Variants in PDE4D observed in about 807,000 individuals in gnomAD.
PDE4D encodes the protein phosphodiesterase 4D, also known as 3',5'-cyclic-AMP phosphodiesterase 4D.
In PDE4D, 24 loss-of-function variants were observed where a neutral mutation model predicts 87.4. That is an observed-to-expected ratio of 0.27 (90% CI 0.20 to 0.39). The LOEUF is 0.39. PDE4D is among the 10% of genes least tolerant of loss of function. PDE4D has a pLI of 1.00. For missense variants in PDE4D, 714 were observed against 1,041.0 expected, an observed-to-expected ratio of 0.69 and a Z score of 4.32; for synonymous variants, 384 against 383.2, an observed-to-expected ratio of 1.00 and a Z score of -0.02.
intron 1 of PDE4D, among the ~76,000 whole-genome samples, chr5:60,483,549 A>G (rs1206747127): frequency 1.3e-5 from 2 of 152,190 alleles, no homozygotes; most frequent in Non-Finnish European, 2.9e-5. Flanking sequence ...TTGTGTTTCT[A>G]GCACCTAACT....
At chr5:60,425,122 A>C (rs552634252) in intron 1 of PDE4D, among the ~76,000 whole-genome samples, 4 of 152,360 alleles carry the variant, frequency 2.6e-5, no homozygotes, top group East Asian at 3.9e-4. Context: ...GGTAATTTAT[A>C]GATTCAATGC....
chr5:60,377,144 G>A (rs186142585), intron 1 of PDE4D, among the ~76,000 whole-genome samples: 63 of 152,200 alleles, frequency 4.1e-4, no homozygotes, highest in Non-Finnish European at 3.7e-4. Flanking sequence ...TGTGCTTCTC[G>A]CCTATAGCAT....
chr5:60,035,181 A>T (rs2152862812), intron 2 of PDE4D, among the ~76,000 whole-genome samples: 1 of 151,782 alleles, frequency 6.6e-6, no homozygotes, highest in Admixed American at 6.6e-5. Flanking sequence ...GCTTGAACCC[A>T]GGAGGCGGAG....
intron 1 of PDE4D, among the ~76,000 whole-genome samples, chr5:60,305,819 G>A (rs994914383): frequency 3.3e-5 from 5 of 151,464 alleles, no homozygotes; most frequent in Admixed American, 6.6e-5. Flanking sequence ...ATACATGTGT[G>A]TATACACACA....
chr5:60,269,511 A>G (rs1409192264), intron 1 of PDE4D, among the ~76,000 whole-genome samples: 1 of 152,200 alleles, frequency 6.6e-6, no homozygotes, highest in Non-Finnish European at 1.5e-5. Flanking sequence ...ATGTTTTGCC[A>G]TTATAAACAA....
chr5:59,430,960 C>T (rs760064275), intron 1 of PDE4D, among the ~76,000 whole-genome samples: 66 of 152,134 alleles, frequency 4.3e-4, no homozygotes, highest in Admixed American at 2.0e-3. Flanking sequence ...ATGTTATGGG[C>T]GGTTTTCCAA....
intron 1 of PDE4D, among the ~76,000 whole-genome samples, chr5:60,464,564 G>A (rs1486703408): frequency 6.6e-6 from 1 of 152,134 alleles, no homozygotes; most frequent in Non-Finnish European, 1.5e-5. Context: ...GGCATTCAGT[G>A]CACTGATTGT....
intron 1 of PDE4D, among the ~76,000 whole-genome samples, chr5:59,776,464 A>G (rs1335203585): frequency 6.6e-6 from 1 of 152,234 alleles, no homozygotes; most frequent in African/African-American, 2.4e-5. Context: ...AAAATGAAAA[A>G]CAAGATATTC....
At chr5:60,514,141 T>C (rs1402803845) in intron 1 of PDE4D, among the ~76,000 whole-genome samples, 3 of 151,798 alleles carry the variant, frequency 2.0e-5, no homozygotes, top group Non-Finnish European at 4.4e-5. Context: ...ATATCCAATA[T>C]CTGAAATGAA....
chr5:59,237,704 T>A (rs1756746282), intron 1 of PDE4D, among the ~76,000 whole-genome samples: 1 of 152,168 alleles, frequency 6.6e-6, no homozygotes, highest in Admixed American at 6.5e-5. Flanking sequence ...ATCTGAACAA[T>A]GTCAGACAAT....
chr5:59,267,070 T>C (rs772874431), intron 1 of PDE4D, among the ~76,000 whole-genome samples: 6 of 152,104 alleles, frequency 3.9e-5, no homozygotes, highest in Non-Finnish European at 8.8e-5. Context: ...ACTCCAACTA[T>C]GACTATAGAC....
intron 1 of PDE4D, among the ~76,000 whole-genome samples, chr5:59,764,451 G>A (rs1268235648): frequency 6.6e-6 from 1 of 152,112 alleles, no homozygotes; most frequent in African/African-American, 2.4e-5. Context: ...ATTACTAAAT[G>A]CAAAGTAAGA....
intron 1 of PDE4D, among the ~76,000 whole-genome samples, chr5:60,234,346 G>T (rs1467147450): frequency 6.6e-6 from 1 of 151,610 alleles, no homozygotes; most frequent in Non-Finnish European, 1.5e-5. Context: ...CACCTCACTT[G>T]TTGATAGGCA....
At chr5:59,285,210 A>G in intron 1 of PDE4D, among the ~76,000 whole-genome samples, 1 of 114,716 alleles carries the variant, frequency 8.7e-6, no homozygotes, top group Non-Finnish European at 1.6e-5. Context: ...CTTAAAGTAT[A>G]ATAAAAAAAA....
At chr5:59,059,936 C>A (rs1474134037) in intron 5 of PDE4D, among the ~76,000 whole-genome samples, 1 of 152,142 alleles carries the variant, frequency 6.6e-6, no homozygotes, top group Non-Finnish European at 1.5e-5. Flanking sequence ...TACCTGTTTT[C>A]ATGTAAGCAT....
intron 1 of PDE4D, among the ~76,000 whole-genome samples, chr5:59,887,287 GGT>G (rs1750307426): frequency 6.6e-6 from 1 of 152,060 alleles, no homozygotes; most frequent in African/African-American, 2.4e-5. Context: ...GTGAATATAG[GGT>G]CCAACCAATT....
At chr5:60,486,267 G>A (rs1476500889) in intron 1 of PDE4D, among the ~76,000 whole-genome samples, 1 of 152,144 alleles carries the variant, frequency 6.6e-6, no homozygotes, top group African/African-American at 2.4e-5. Flanking sequence ...GGAATGTATA[G>A]CTAAGAATGA....
At chr5:59,876,115 T>C (rs1368832025) in intron 1 of PDE4D, among the ~76,000 whole-genome samples, 1 of 152,162 alleles carries the variant, frequency 6.6e-6, no homozygotes, top group Non-Finnish European at 1.5e-5. Context: ...ACACTGAGCT[T>C]AAAAGGACAA....
chr5:60,446,264 T>C (rs185940984), intron 1 of PDE4D, among the ~76,000 whole-genome samples: 1 of 152,246 alleles, frequency 6.6e-6, no homozygotes, highest in Admixed American at 6.5e-5. Context: ...TGAATAACTA[T>C]ACTCCTTAAC....
Sources: gnomAD v4.1 joint callset for allele counts (sites outside exome capture counted in the v4.1 genomes callset) on GRCh38, gnomAD v4.1.1 for gene constraint, MANE v1.5 for transcripts, NCBI Gene and HGNC (gene_info 2026-07-23, HGNC 2026-07-21) for gene names.